Variants in LYZL4 observed in about 807,000 individuals in gnomAD.
LYZL4 encodes the protein lysozyme like 4.
A neutral mutation model predicts 17.6 loss-of-function variants in LYZL4; 13 were observed. The ratio of observed to expected loss-of-function variants is 0.74; its 90% CI spans 0.48 to 1.18. The LOEUF (loss-of-function observed/expected upper bound fraction) is 1.18. LYZL4 is among the 50% of genes most tolerant of loss of function. LYZL4 has a pLI of 0.00. For synonymous variants in LYZL4, 64 were observed against 67.7 expected, an observed-to-expected ratio of 0.95 and a Z score of 0.27; for missense variants, 174 against 188.2, an observed-to-expected ratio of 0.92 and a Z score of 0.44.
At chr3:42,385,075 G>A in the LYZL4 span, among the ~76,000 whole-genome samples, 2 of 151,414 alleles carry the variant, frequency 1.3e-5, no homozygotes, top group Admixed American at 1.3e-4. Context: ...ATAATTTAAA[G>A]AAACAAACTA....
chr3:42,396,057 T>G (rs1207380544), downstream of LYZL4, among the ~76,000 whole-genome samples: 1 of 151,964 alleles, frequency 6.6e-6, no homozygotes, highest in South Asian at 2.1e-4. Flanking sequence ...AGCAAGACTC[T>G]GTCTCAAAAA....
the LYZL4 span, among the ~76,000 whole-genome samples, chr3:42,377,091 G>A: frequency 6.6e-6 from 1 of 152,120 alleles, no homozygotes; most frequent in Non-Finnish European, 1.5e-5. Context: ...AATGAGATGG[G>A]GCAAAGGGCT....
chr3:42,376,210 T>C, the LYZL4 span, among the ~76,000 whole-genome samples: 2 of 152,228 alleles, frequency 1.3e-5, no homozygotes, highest in African/African-American at 4.8e-5. Context: ...GTTCCAGGCC[T>C]GCAGTGGAAT....
the LYZL4 span, among the ~76,000 whole-genome samples, chr3:42,380,340 A>C: frequency 6.6e-6 from 1 of 152,182 alleles, no homozygotes; most frequent in Non-Finnish European, 1.5e-5. Context: ...ATAACTGATA[A>C]ATTGTAAATC....
downstream of LYZL4, among the ~76,000 whole-genome samples, chr3:42,396,788 G>A (rs1698555790): frequency 6.6e-6 from 1 of 152,132 alleles, no homozygotes; most frequent in Non-Finnish European, 1.5e-5. Context: ...CTTCATAGAC[G>A]TGCAAAGAGG....
the LYZL4 span, among the ~76,000 whole-genome samples, chr3:42,362,729 G>A: frequency 6.6e-6 from 1 of 152,148 alleles, no homozygotes. Flanking sequence ...TTCAATTTAT[G>A]AATTTTGGGG....
chr3:42,377,623 CTCTGTG>C, the LYZL4 span, among the ~76,000 whole-genome samples: 109 of 92,628 alleles, frequency 1.2e-3, no homozygotes, highest in African/African-American at 5.0e-3. Flanking sequence ...ATGCATGACT[CTCTGTG>C]TGTGTGTGTG....
chr3:42,394,610 G>T (rs1698527418), downstream of LYZL4, among the ~76,000 whole-genome samples: 1 of 152,218 alleles, frequency 6.6e-6, no homozygotes, highest in South Asian at 2.1e-4. Flanking sequence ...TTGTTATTGA[G>T]ATTTCCTAAT....
downstream of LYZL4, among the ~76,000 whole-genome samples, chr3:42,394,285 T>C (rs927070120): frequency 2.0e-5 from 3 of 152,190 alleles, no homozygotes; most frequent in East Asian, 3.8e-4. Flanking sequence ...ATTAAAAAAC[T>C]AGAGACCCAA....
At chr3:42,376,102 C>T in the LYZL4 span, among the ~76,000 whole-genome samples, 2 of 152,162 alleles carry the variant, frequency 1.3e-5, no homozygotes, top group African/African-American at 2.4e-5. Context: ...ACAGACCCCT[C>T]AAGGTTGTGG....
At chr3:42,368,162 G>A in the LYZL4 span, among the ~76,000 whole-genome samples, 1 of 152,196 alleles carries the variant, frequency 6.6e-6, no homozygotes, top group Admixed American at 6.5e-5. Context: ...GTTTACAGCT[G>A]CATTCCAAAC....
At position 42,407,157 on chromosome 3, in the gene LYZL4, T is replaced by A; in HGVS notation, c.95A>T (p.His32Leu). ...CTCAAAATAATCCAGGCCTCCATCGTGGAGTTTCTTAGCCACTGTGCAACG... is the reference window on the plus strand; with the variant it reads ...CTCAAAATAATCCAGGCCTCCATCGAGGAGTTTCTTAGCCACTGTGCAACG... ...LGRCTVAKKL[H>L]DGGLDYFEGY... The change falls in exon 2 of 5, where the codon CAC (histidine) becomes CTC (leucine). Residue 32 changes from histidine to leucine, a missense_variant. His to Leu is a moderately conservative substitution (Grantham distance 99). Transcript: ENST00000287748. 1 of 1,614,142 alleles carries A rather than the reference T, an allele frequency of 6.2e-7. No individual in the cohort carries two copies. Among genetic ancestry groups the A allele is most frequent in the Non-Finnish European group, 8.5e-7 (1 of 1,180,028 alleles).
chr3:42,373,859 G>A, the LYZL4 span, among the ~76,000 whole-genome samples: 16 of 152,064 alleles, frequency 1.1e-4, no homozygotes, highest in Non-Finnish European at 1.3e-4. Context: ...TGAGTTCCCT[G>A]AATGCTTTGC....
At chr3:42,363,747 T>G in the LYZL4 span, among the ~76,000 whole-genome samples, 1 of 152,194 alleles carries the variant, frequency 6.6e-6, no homozygotes, top group Non-Finnish European at 1.5e-5. Context: ...AAGCATCATT[T>G]CACCAGCACT....
In LYZL4 at chr3:42,397,159, T is replaced by C. The variant is rs1698562133; in HGVS notation, c.*106A>G. The C allele has an allele frequency of 2.5e-6, 2 of 812,362 alleles. No individual in the cohort carries two copies. Among genetic ancestry groups the C allele is most frequent in the Non-Finnish European group, 3.9e-6 (2 of 509,322 alleles). 50.3% of individuals were successfully genotyped at this position (812,362 alleles called of 1,614,324 possible). On this transcript the variant is annotated 3_prime_UTR_variant, in exon 5 of 5. Coordinates refer to ENST00000287748, the MANE Select transcript of LYZL4 (RefSeq NM_144634.4). Reference sequence around the variant, plus strand: ...ACTTTTGTCTTTTTCCATCTGGAACTCTTAAAGTGGTGAGATCATCAAAAG... The same window carrying C: ...ACTTTTGTCTTTTTCCATCTGGAACCCTTAAAGTGGTGAGATCATCAAAAG...
the LYZL4 span, among the ~76,000 whole-genome samples, chr3:42,364,151 G>A: frequency 0.22 from 33,807 of 151,916 alleles, 4,913 homozygotes; most frequent in Non-Finnish European, 0.33. Flanking sequence ...TGGCCTCCCC[G>A]GCACTGATGA....
chr3:42,369,816 G>A, the LYZL4 span, among the ~76,000 whole-genome samples: 3 of 152,224 alleles, frequency 2.0e-5, no homozygotes, highest in South Asian at 4.1e-4. Flanking sequence ...GGGCCACAAG[G>A]CTTGAGGCTT....
chr3:42,408,690 T>G (rs1428961067), intron 1 of LYZL4, among the ~76,000 whole-genome samples: 1 of 152,166 alleles, frequency 6.6e-6, no homozygotes, highest in Non-Finnish European at 1.5e-5. Flanking sequence ...TCGTTATATA[T>G]CAATTGGACA....
chr3:42,384,291 A>G, the LYZL4 span, among the ~76,000 whole-genome samples: 1 of 152,154 alleles, frequency 6.6e-6, no homozygotes, highest in Non-Finnish European at 1.5e-5. Flanking sequence ...AGTCCCTTGC[A>G]CTCTTTCTAA....
Sources: gnomAD v4.1 joint callset for allele counts (sites outside exome capture counted in the v4.1 genomes callset) on GRCh38, gnomAD v4.1.1 for gene constraint, MANE v1.5 for transcripts, NCBI Gene and HGNC (gene_info 2026-07-23, HGNC 2026-07-21) for gene names.